PCCB: variants seen among roughly 807,000 people sequenced by gnomAD.
PCCB encodes propionyl-CoA carboxylase beta chain, mitochondrial.
In PCCB, 43 loss-of-function variants were observed where a neutral mutation model predicts 60.7. The ratio of observed to expected loss-of-function variants is 0.71; its 90% CI spans 0.55 to 0.91. PCCB has a LOEUF of 0.91. Ranked by LOEUF, PCCB falls within the 40% of genes least tolerant of loss-of-function variation. PCCB has a pLI of 0.00. For missense variants in PCCB, 766 were observed against 702.8 expected (o/e 1.09, Z -1.02); for synonymous variants, 276 against 255.9 (o/e 1.08, Z -0.75).
chr3:136,307,368 A>G (rs928416285), intron 9 of PCCB, among the ~76,000 whole-genome samples: 7 of 152,116 alleles, frequency 4.6e-5, no homozygotes, highest in African/African-American at 7.2e-5. Context: ...TATAAGTACT[A>G]TATGTTTAGT....
chr3:136,256,653 T>C (rs745597838), intron 3 of PCCB, 30 bp downstream of exon 3: 18 of 1,450,896 alleles, frequency 1.2e-5, no homozygotes, highest in Admixed American at 6.7e-5. Context: ...GTCTGAACTT[T>C]TCTTGGAGGG....
chr3:136,268,087 GATATATATATATATA>G (rs1942066787), intron 5 of PCCB, among the ~76,000 whole-genome samples: 5 of 93,798 alleles, frequency 5.3e-5, no homozygotes, highest in East Asian at 5.8e-4. Context: ...TGTGTGTGTA[GATATATATATATATA>G]TATATATATA....
At chr3:136,325,575 C>G (rs1560032875) in intron 10 of PCCB, among the ~76,000 whole-genome samples, 1 of 151,812 alleles carries the variant, frequency 6.6e-6, no homozygotes, top group Non-Finnish European at 1.5e-5. Flanking sequence ...CCAGGCTGGT[C>G]TTGAACTCCT....
At chr3:136,279,913 G>A (rs907558511) in intron 5 of PCCB, among the ~76,000 whole-genome samples, 4 of 152,102 alleles carry the variant, frequency 2.6e-5, no homozygotes, top group African/African-American at 7.2e-5. Flanking sequence ...TGATCTGCCC[G>A]TCTCGGCCTC....
At chr3:136,256,285 G>A in intron 2 of PCCB, 1 of 571,898 alleles carries the variant, frequency 1.7e-6, no homozygotes, top group South Asian at 2.0e-5. Flanking sequence ...GCATAGAGAA[G>A]TGGTGGCCCT....
chr3:136,250,602 C>T (rs771580881), intron 1 of PCCB, 44 bp downstream of exon 1: 2 of 1,563,028 alleles, frequency 1.3e-6, no homozygotes, highest in Non-Finnish European at 1.7e-6. Context: ...CTGGCGTCCG[C>T]GACCTATCAC....
At position 136,274,652 on chromosome 3, in the gene PCCB, A is replaced by G. The variant is rs146538927; in HGVS notation, c.544-9185A>G. Among the ~76,000 whole-genome samples, 186 of 152,282 alleles carry G rather than the reference A, an allele frequency of 1.2e-3. 1 individual carries two copies. Among genetic ancestry groups the G allele is most frequent in the African/African-American group, 4.1e-3 (171 of 41,552 alleles). On this transcript the variant is annotated intron_variant, in intron 5 of 14. Coordinates refer to ENST00000251654, the MANE Select transcript of PCCB (RefSeq NM_000532.5). ...CCCAGGAGTTCTTTGAGCTTCTTGC[A>G]TTTGGATATTGAAATCTCAGGCAAG...
chr3:136,296,025 C>A (rs756735720), intron 7 of PCCB, among the ~76,000 whole-genome samples: 1 of 152,102 alleles, frequency 6.6e-6, no homozygotes, highest in African/African-American at 2.4e-5. Flanking sequence ...ATCCCCAGGG[C>A]AAGGCACAAA....
intron 9 of PCCB, among the ~76,000 whole-genome samples, chr3:136,316,307 T>A (rs1260088666): frequency 3.3e-5 from 5 of 152,022 alleles, no homozygotes; most frequent in African/African-American, 1.2e-4. Context: ...TGTTCTTGAA[T>A]TTTTTATTTT....
At chr3:136,286,797 G>A (rs771101139) in intron 6 of PCCB, among the ~76,000 whole-genome samples, 7 of 152,112 alleles carry the variant, frequency 4.6e-5, no homozygotes, top group Non-Finnish European at 7.4e-5. Flanking sequence ...TTGGGAGGCT[G>A]AGGCGGGTGG....
chr3:136,297,747 G>A (rs779488920), intron 7 of PCCB, among the ~76,000 whole-genome samples: 12 of 152,210 alleles, frequency 7.9e-5, no homozygotes, highest in Non-Finnish European at 1.3e-4. Context: ...TTGCAGAACA[G>A]AGGGAACATG....
chr3:136,302,431 T>C (rs1049021555), intron 9 of PCCB, among the ~76,000 whole-genome samples: 2 of 121,444 alleles, frequency 1.6e-5, no homozygotes, highest in African/African-American at 5.0e-5. Flanking sequence ...TCTTCTAACT[T>C]TTTCTTAAGG....
Position 136,298,040 on chromosome 3 carries a change from C to A in PCCB, c.852C>A (p.Asp284Glu). ...ACTACCTGCCCCTGAGCAGTCAGGACCCGGCTCCCGTCCGTGAGTGCCACG... is the reference window on the plus strand; with the variant it reads ...ACTACCTGCCCCTGAGCAGTCAGGAACCGGCTCCCGTCCGTGAGTGCCACG... ...FFNYLPLSSQDPAPVRECHDP... is the reference protein window; with the variant it reads ...FFNYLPLSSQEPAPVRECHDP... Residue 284 changes from aspartate to glutamate, a missense_variant, in exon 8 of 15, where the codon GAC becomes GAA. Transcript: ENST00000251654. 1 of 1,614,144 alleles carries A rather than the reference C, an allele frequency of 6.2e-7. No individual in the cohort carries two copies. Among genetic ancestry groups the A allele is most frequent in the Non-Finnish European group, 8.5e-7 (1 of 1,180,002 alleles).
At chr3:136,262,726 G>C (rs1941859532) in intron 5 of PCCB, among the ~76,000 whole-genome samples, 1 of 152,178 alleles carries the variant, frequency 6.6e-6, no homozygotes, top group South Asian at 2.1e-4. Context: ...AGAAAGGAAG[G>C]AGACAGGCAG....
intron 1 of PCCB, among the ~76,000 whole-genome samples, chr3:136,253,664 ATTTTTTTTT>A (rs35923895): frequency 8.1e-6 from 1 of 123,446 alleles, no homozygotes; most frequent in African/African-American, 3.1e-5. Context: ...GGATGACAGA[ATTTTTTTTT>A]TTTTTTTTTT....
intron 8 of PCCB, among the ~76,000 whole-genome samples, chr3:136,299,545 G>T (rs1439526696): frequency 1.3e-4 from 8 of 62,698 alleles, no homozygotes; most frequent in South Asian, 4.7e-4. Flanking sequence ...CATGTGTATA[G>T]GTATGCATGT....
chr3:136,277,531 C>T (rs1167902619), intron 5 of PCCB, among the ~76,000 whole-genome samples: 1 of 151,686 alleles, frequency 6.6e-6, no homozygotes, highest in Non-Finnish European at 1.5e-5. Flanking sequence ...AGGGGTACAG[C>T]CAGGTGGGGG....
intron 7 of PCCB, among the ~76,000 whole-genome samples, chr3:136,294,563 G>A (rs1933849944): frequency 6.6e-6 from 1 of 151,650 alleles, no homozygotes; most frequent in South Asian, 2.1e-4. Context: ...GCCCACCTTG[G>A]CTTCCCAAAG....
chr3:136,279,440 A>G (rs1942416131), intron 5 of PCCB, among the ~76,000 whole-genome samples: 2 of 152,172 alleles, frequency 1.3e-5, no homozygotes, highest in East Asian at 1.9e-4. Context: ...CATTTTAATC[A>G]TATTTTAAAG....
Sources: gnomAD v4.1 joint callset for allele counts (sites outside exome capture counted in the v4.1 genomes callset) on GRCh38, gnomAD v4.1.1 for gene constraint, MANE v1.5 for transcripts, NCBI Gene and HGNC (gene_info 2026-07-23, HGNC 2026-07-21) for gene names.